Variants in CTNNA2 observed in about 807,000 individuals in gnomAD.
CTNNA2 encodes catenin alpha 2, also known as catenin alpha-2.
In CTNNA2, 42 loss-of-function variants were observed where a neutral mutation model predicts 101.0. The ratio of observed to expected loss-of-function variants is 0.42; its 90% CI spans 0.32 to 0.54. The LOEUF is 0.54. Ranked by LOEUF, CTNNA2 falls within the 20% of genes least tolerant of loss-of-function variation. The pLI, the probability that CTNNA2 is intolerant of heterozygous loss-of-function variation, is 0.14. For synonymous variants in CTNNA2, 450 were observed against 456.4 expected (o/e 0.99, Z 0.18); for missense variants, 871 against 1,223.1 (o/e 0.71, Z 4.29).
chr2:79,561,264 G>T (rs1367995668), intron 1 of CTNNA2, among the ~76,000 whole-genome samples: 2 of 151,706 alleles, frequency 1.3e-5, no homozygotes, highest in Middle Eastern at 3.4e-3. Flanking sequence ...ATTTCATTTC[G>T]TTTTATGGCT....
intron 4 of CTNNA2, among the ~76,000 whole-genome samples, chr2:79,383,334 A>G (rs917845405): frequency 7.2e-5 from 11 of 152,234 alleles, no homozygotes; most frequent in Admixed American, 5.2e-4. Flanking sequence ...AATAAGGAAC[A>G]TAATTAAATG....
rs757086633 is a variant in CTNNA2 at position 80,647,723 on chromosome 2, T to C, written c.2713T>C (p.Ser905Pro). ...GTAAVNSPVV[S>P]WKMKAPEKKP... ...AGCAGCTGTCAACTCACCTGTTGTG[T>C]CTTGGAAGATGAAGGCTCCAGAGAA... is the stretch of plus-strand genomic sequence containing the variant. Residue 905 changes from serine (S) to proline (P), a missense_variant, in exon 19 of 19, where the codon TCT (serine) becomes CCT (proline). Coordinates refer to ENST00000402739, the MANE Select transcript of CTNNA2 (RefSeq NM_001282597.3). 1 of 1,613,508 alleles carries C rather than the reference T, an allele frequency of 6.2e-7. No individual in the cohort carries two copies. Among genetic ancestry groups the C allele is most frequent in the South Asian group, 1.1e-5 (1 of 91,074 alleles).
At chr2:79,467,499 A>C (rs952485557) in intron 4 of CTNNA2, among the ~76,000 whole-genome samples, 9 of 152,214 alleles carry the variant, frequency 5.9e-5, no homozygotes, top group African/African-American at 2.2e-4. Flanking sequence ...AAGGCAGGCC[A>C]ACATTTAAAT....
chr2:79,700,126 A>G (rs543715289), intron 2 of CTNNA2, among the ~76,000 whole-genome samples: 32 of 152,106 alleles, frequency 2.1e-4, no homozygotes, highest in South Asian at 8.3e-4. Context: ...CCCAACTTGT[A>G]TCCATTTGCA....
At chr2:80,060,056 G>T (rs73940926) in intron 7 of CTNNA2, among the ~76,000 whole-genome samples, 8 of 152,130 alleles carry the variant, frequency 5.3e-5, no homozygotes, top group Non-Finnish European at 1.2e-4. Flanking sequence ...AGGATTTCTC[G>T]ATCTCACTGA....
chr2:80,606,217 G>A (rs1558637827), intron 16 of CTNNA2, among the ~76,000 whole-genome samples: 1 of 151,764 alleles, frequency 6.6e-6, no homozygotes, highest in Non-Finnish European at 1.5e-5. Flanking sequence ...AATCTCAATG[G>A]TCAAAAGTAT....
intron 3 of CTNNA2, among the ~76,000 whole-genome samples, chr2:79,851,350 A>C (rs943851380): frequency 6.6e-6 from 1 of 152,218 alleles, no homozygotes; most frequent in African/African-American, 2.4e-5. Flanking sequence ...AAAATGATAA[A>C]ATGTTCTGAA....
chr2:80,269,201 G>T (rs922094024), intron 7 of CTNNA2, among the ~76,000 whole-genome samples: 6 of 152,150 alleles, frequency 3.9e-5, no homozygotes, highest in African/African-American at 1.4e-4. Flanking sequence ...CCCACGTGTG[G>T]TGGCAGGGGT....
intron 9 of CTNNA2, among the ~76,000 whole-genome samples, chr2:80,465,059 G>T (rs1279245990): frequency 3.9e-5 from 6 of 152,148 alleles, no homozygotes; most frequent in African/African-American, 1.4e-4. Flanking sequence ...GCTCCATTGG[G>T]ATGAGAGCTA....
At chr2:79,748,950 C>G (rs1165123329) in intron 3 of CTNNA2, among the ~76,000 whole-genome samples, 1 of 152,062 alleles carries the variant, frequency 6.6e-6, no homozygotes, top group Non-Finnish European at 1.5e-5. Context: ...GACCCAGAGC[C>G]AGCAAATGAG....
intron 7 of CTNNA2, among the ~76,000 whole-genome samples, chr2:80,357,668 A>T (rs976084989): frequency 2.0e-5 from 3 of 152,148 alleles, no homozygotes; most frequent in Admixed American, 2.0e-4. Context: ...AGACAGAAGA[A>T]TCAATATGAC....
intron 4 of CTNNA2, among the ~76,000 whole-genome samples, chr2:79,466,633 G>C (rs1670939962): frequency 2.0e-5 from 3 of 152,322 alleles, no homozygotes; most frequent in South Asian, 4.1e-4. Flanking sequence ...TCCCCAGTAG[G>C]GGCAGACTGA....
chr2:80,325,084 GAAGA>G (rs1312505977), intron 7 of CTNNA2, among the ~76,000 whole-genome samples: 1 of 152,120 alleles, frequency 6.6e-6, no homozygotes, highest in Middle Eastern at 3.2e-3. Flanking sequence ...GTCCCACCTA[GAAGA>G]ATGCAAGGCA....
At chr2:80,093,129 A>G (rs925320548) in intron 7 of CTNNA2, among the ~76,000 whole-genome samples, 23 of 152,054 alleles carry the variant, frequency 1.5e-4, no homozygotes, top group East Asian at 7.8e-4. Context: ...AGCATTAGGT[A>G]TATCTCCTAG....
chr2:79,882,835 G>A (rs1359302110), intron 6 of CTNNA2, among the ~76,000 whole-genome samples: 3 of 152,194 alleles, frequency 2.0e-5, no homozygotes, highest in African/African-American at 7.2e-5. Context: ...TGTAGCATGG[G>A]TTTGCAAGTG....
intron 18 of CTNNA2, among the ~76,000 whole-genome samples, chr2:80,629,218 G>A (rs1672018258): frequency 6.6e-6 from 1 of 152,198 alleles, no homozygotes; most frequent in Non-Finnish European, 1.5e-5. Flanking sequence ...GGAAGGTGCT[G>A]GACATAACAG....
intron 7 of CTNNA2, among the ~76,000 whole-genome samples, chr2:79,992,298 C>CA (rs145086565): frequency 0.018 from 2,603 of 147,142 alleles, 79 homozygotes; most frequent in African/African-American, 0.061. Context: ...TAAATAATCA[C>CA]AAAAAAAAAG....
intron 14 of CTNNA2, among the ~76,000 whole-genome samples, chr2:80,587,080 G>C (rs1010087091): frequency 2.0e-5 from 3 of 152,044 alleles, no homozygotes; most frequent in Non-Finnish European, 4.4e-5. Context: ...GTGTAGAGTG[G>C]TTAAGAATGA....
At chr2:80,083,207 A>G (rs1023240001) in intron 7 of CTNNA2, among the ~76,000 whole-genome samples, 2 of 152,172 alleles carry the variant, frequency 1.3e-5, no homozygotes, top group Non-Finnish European at 2.9e-5. Flanking sequence ...CAAAGTTTCA[A>G]TCTGTATCAA....
Sources: gnomAD v4.1 joint callset for allele counts (sites outside exome capture counted in the v4.1 genomes callset) on GRCh38, gnomAD v4.1.1 for gene constraint, MANE v1.5 for transcripts, NCBI Gene and HGNC (gene_info 2026-07-23, HGNC 2026-07-21) for gene names.